SPIN1: variants seen among roughly 807,000 people sequenced by gnomAD.
The protein encoded by SPIN1 is spindlin-1.
In SPIN1, 3 loss-of-function variants were observed where a neutral mutation model predicts 26.0. The observed-to-expected ratio is 0.12, with a 90% CI of 0.05 to 0.30. SPIN1 has a LOEUF of 0.30. Among genes scored for constraint, SPIN1 ranks in the 10% least tolerant of loss-of-function variants. The pLI is 1.00. For synonymous variants in SPIN1, 101 were observed against 116.5 expected (o/e 0.87, Z 0.86); for missense variants, 126 against 333.4 (o/e 0.38, Z 4.84).
chr9:88,462,896 A>G, intron 4 of SPIN1, 147 bp downstream of exon 4: 1 of 953,626 alleles, frequency 1.0e-6, no homozygotes, highest in Non-Finnish European at 1.5e-6. Context: ...ACCGAAAACC[A>G]CAAAAATGGA....
intron 1 of SPIN1, among the ~76,000 whole-genome samples, chr9:88,419,404 C>A (rs888082790): frequency 6.6e-6 from 1 of 152,178 alleles, no homozygotes; most frequent in Non-Finnish European, 1.5e-5. Context: ...GGGACCCATG[C>A]GTCAGGAATA....
intron 3 of SPIN1, among the ~76,000 whole-genome samples, chr9:88,453,909 G>T (rs1290884647): frequency 2.6e-5 from 4 of 152,204 alleles, no homozygotes; most frequent in African/African-American, 9.7e-5. Flanking sequence ...TCATTGCAGT[G>T]CTGTGTAATT....
At chr9:88,448,515 CTTG>C (rs1347253312) in intron 2 of SPIN1, among the ~76,000 whole-genome samples, 2 of 148,164 alleles carry the variant, frequency 1.3e-5, no homozygotes, top group East Asian at 1.9e-4. Context: ...CTACACTTGG[CTTG>C]TTGTTTTTTT....
intron 1 of SPIN1, among the ~76,000 whole-genome samples, chr9:88,403,253 T>G (rs928668430): frequency 6.6e-6 from 1 of 152,230 alleles, no homozygotes; most frequent in Non-Finnish European, 1.5e-5. Flanking sequence ...CACTCTGTCA[T>G]TTGTTTCCTT....
intron 1 of SPIN1, chr9:88,410,541 G>T: frequency 1.2e-6 from 1 of 803,300 alleles, no homozygotes; most frequent in Non-Finnish European, 2.2e-6. Flanking sequence ...AAAATCTTCT[G>T]CTACTGCCAT....
intron 3 of SPIN1, among the ~76,000 whole-genome samples, chr9:88,454,490 A>G (rs1317716160): frequency 6.6e-6 from 1 of 152,096 alleles, no homozygotes; most frequent in Admixed American, 6.5e-5. Flanking sequence ...TGTTATTAAT[A>G]GTGTTTTTTT....
intron 1 of SPIN1, among the ~76,000 whole-genome samples, chr9:88,424,412 C>G (rs941573868): frequency 6.6e-6 from 1 of 151,818 alleles, no homozygotes; most frequent in Non-Finnish European, 1.5e-5. Flanking sequence ...TGTAAGCACT[C>G]TAGGAAGGGA....
Position 88,405,596 on chromosome 9 carries a change from T to C in SPIN1, c.-159+17058T>C, listed in dbSNP as rs148386211. ...TTCGCTCTCGTTACCCAGGCTGGAG[T>C]GCAGTGGCGCGACCTCATCTCACTG... On this transcript the variant is annotated intron_variant, in intron 1 of 5. Transcript: ENST00000375859. 3.9e-4 allele frequency among the ~76,000 whole-genome samples: 55 copies of C among 140,936 alleles called. 2 individuals are homozygous for C. In the East Asian group the frequency reaches 0.012, roughly 30 times the overall value. The allele number at this position is 140,936 out of a possible 152,430, so 92.5% of individuals were successfully genotyped here.
intron 1 of SPIN1, among the ~76,000 whole-genome samples, chr9:88,422,952 G>A (rs550823540): frequency 3.9e-5 from 6 of 151,982 alleles, no homozygotes; most frequent in South Asian, 2.1e-4. Context: ...TCAGGTGATC[G>A]TCCACCTCGG....
chr9:88,417,268 G>A (rs959316088), intron 1 of SPIN1, among the ~76,000 whole-genome samples: 4 of 151,926 alleles, frequency 2.6e-5, no homozygotes, highest in African/African-American at 9.7e-5. Context: ...TATTCTCTAT[G>A]CTCATACTCA....
At chr9:88,443,991 G>A (rs1256028824) in intron 2 of SPIN1, among the ~76,000 whole-genome samples, 15 of 151,972 alleles carry the variant, frequency 9.9e-5, no homozygotes, top group Non-Finnish European at 5.9e-5. Context: ...CCTGGTTCCT[G>A]TGTAGAGGTT....
At chr9:88,450,032 G>C (rs577828605) in intron 3 of SPIN1, among the ~76,000 whole-genome samples, 1 of 152,244 alleles carries the variant, frequency 6.6e-6, no homozygotes, top group South Asian at 2.1e-4. Context: ...GTAATATTTA[G>C]CTTAAGAAAC....
chr9:88,398,607 CT>C (rs1827119523), intron 1 of SPIN1, among the ~76,000 whole-genome samples: 1 of 151,984 alleles, frequency 6.6e-6, no homozygotes, highest in African/African-American at 2.4e-5. Context: ...CAGAGTTTCG[CT>C]CTTGTTGCCC....
intron 1 of SPIN1, among the ~76,000 whole-genome samples, chr9:88,392,296 C>G (rs1178109445): frequency 6.6e-6 from 1 of 152,060 alleles, no homozygotes; most frequent in Non-Finnish European, 1.5e-5. Context: ...CTTAAAATTG[C>G]CGTAAACCCT....
rs1322449061 is a variant in SPIN1, at chr9:88,477,107, A to G, written c.*1830A>G. 1 of 152,134 alleles carries G rather than the reference A, an allele frequency of 6.6e-6. No individual in the cohort carries two copies. Among genetic ancestry groups the G allele is most frequent in the Non-Finnish European group, 1.5e-5 (1 of 68,042 alleles). 9.4% of individuals were successfully genotyped at this position (152,134 alleles called of 1,614,324 possible). A position where few individuals can be genotyped will look rare whatever the true frequency, so the allele number is the denominator to read the frequency against. ...AGCTTCTGAAAGCAGTGTGATACCC[A>G]AGTCATAGGTGCTTCTCGTATGTGA... is the stretch of plus-strand genomic sequence containing the variant. On this transcript the variant is annotated 3_prime_UTR_variant, in exon 6 of 6. Transcript: ENST00000375859.
chr9:88,468,503 A>G lies in SPIN1; in HGVS notation c.487A>G (p.Asn163Asp). Reference protein sequence around the residue: ...GMVLARAPVMNTWFYITYEKD... With the variant: ...GMVLARAPVMDTWFYITYEKD... ...GGTCTTAGCACGTGCACCTGTCATGAACACATGGTTTTACATTACCTATGA... is the reference window on the plus strand; with the variant it reads ...GGTCTTAGCACGTGCACCTGTCATGGACACATGGTTTTACATTACCTATGA... The change falls in exon 5 of 6, where the codon AAC (asparagine) becomes GAC (aspartate). Residue 163 changes from asparagine (N) to aspartate (D), a missense_variant. By Grantham distance (23) the Asn-to-Asp change is conservative. Around this residue, in one of 7 missense-constraint regions of SPIN1, gnomAD observed 10 missense variants for 44.5 expected, o/e 0.22. Coordinates refer to ENST00000375859, the MANE Select transcript of SPIN1 (RefSeq NM_006717.3). The G allele has an allele frequency of 1.2e-6, 2 of 1,613,752 alleles. No homozygotes were observed. Among genetic ancestry groups the G allele is most frequent in the South Asian group, 2.2e-5 (2 of 90,962 alleles).
intron 1 of SPIN1, among the ~76,000 whole-genome samples, chr9:88,414,123 C>T (rs1046422012): frequency 1.3e-5 from 2 of 152,122 alleles, no homozygotes; most frequent in East Asian, 3.8e-4. Context: ...TTCATGCCCT[C>T]CTGTGGAGAC....
intron 3 of SPIN1, among the ~76,000 whole-genome samples, chr9:88,452,409 T>G (rs1334966166): frequency 6.6e-6 from 1 of 152,232 alleles, no homozygotes; most frequent in Non-Finnish European, 1.5e-5. Flanking sequence ...AGAAATTGGT[T>G]ATTTCAGTCG....
At chr9:88,400,334 A>G (rs971168960) in intron 1 of SPIN1, among the ~76,000 whole-genome samples, 3 of 152,192 alleles carry the variant, frequency 2.0e-5, no homozygotes, top group Admixed American at 6.5e-5. Flanking sequence ...GGGGTATAGT[A>G]TAACAGTGGA....
Sources: gnomAD v4.1 joint callset for allele counts (sites outside exome capture counted in the v4.1 genomes callset) on GRCh38, gnomAD v4.1.1 for gene constraint, gnomAD v4.1.1 regional missense constraint, MANE v1.5 for transcripts, NCBI Gene and HGNC (gene_info 2026-07-23, HGNC 2026-07-21) for gene names.